The following NECTIN1 variants were observed in gnomAD, a reference collection of about 807,000 sequenced individuals.
NECTIN1 encodes nectin-1.
NECTIN1 carries 23 observed loss-of-function variants against 48.0 expected under a neutral mutation model. That is an observed-to-expected ratio of 0.48 (90% confidence interval 0.34 to 0.68). The LOEUF (loss-of-function observed/expected upper bound fraction) is 0.68, where lower values mean the gene tolerates loss of function less well. Ranked by LOEUF, NECTIN1 falls within the 30% of genes least tolerant of loss-of-function variation. The probability of loss-of-function intolerance (pLI) is 0.01; values close to 1 mark genes in which losing one functional copy is unlikely to be tolerated. For synonymous variants in NECTIN1, 270 were observed against 288.9 expected, an observed-to-expected ratio of 0.93 and a Z score of 0.66; for missense variants, 591 against 709.9, an observed-to-expected ratio of 0.83 and a Z score of 1.90.
At chr11:119,697,320 T>C (rs1342683378) in intron 1 of NECTIN1, among the ~76,000 whole-genome samples, 2 of 152,196 alleles carry the variant, frequency 1.3e-5, no homozygotes, top group Non-Finnish European at 2.9e-5. Context: ...TTGGCCCTGC[T>C]GTGTCTCTTC....
chr11:119,718,038 C>T (rs1302080276), intron 1 of NECTIN1, among the ~76,000 whole-genome samples: 5 of 152,214 alleles, frequency 3.3e-5, no homozygotes, highest in African/African-American at 7.2e-5. Context: ...TTCGCTTTGG[C>T]GTCGACACAG....
At position 119,678,779 on chromosome 11, in the gene NECTIN1, T is replaced by C. The variant is rs369080535; in HGVS notation, c.80-14A>G. On this transcript the variant is annotated splice_polypyrimidine_tract_variant and intron_variant, in intron 1 of 5. Transcript: ENST00000264025. The surrounding 1 kb of genome is among the most constrained non-coding windows in gnomAD (Gnocchi z 4.4). ...GGGAGTGGACGCCTGGCCAGGAGGA[T>C]GGCAGCAAGTGGTCAGTGTCAGGCA... The C allele has an allele frequency of 8.9e-6, 14 of 1,579,186 alleles. No individual in the cohort carries two copies. The African/African-American group carries it at 1.7e-4, about 20-fold the overall frequency.
intron 5 of NECTIN1, chr11:119,674,408 G>T: frequency 1.3e-6 from 2 of 1,516,944 alleles, no homozygotes; most frequent in Non-Finnish European, 1.8e-6. Context: ...CGGAACATTG[G>T]CCATTTATTG....
At chr11:119,659,671 G>A (rs1304066170), downstream of NECTIN1, among the ~76,000 whole-genome samples, 1 of 152,208 alleles carries the variant, frequency 6.6e-6, no homozygotes, top group Non-Finnish European at 1.5e-5. Flanking sequence ...AAAGGACTGA[G>A]TCTGGCTTCT....
At chr11:119,723,937 C>T (rs1184317515) in intron 1 of NECTIN1, among the ~76,000 whole-genome samples, 1 of 152,196 alleles carries the variant, frequency 6.6e-6, no homozygotes, top group Non-Finnish European at 1.5e-5. Flanking sequence ...GGCTTGGGCA[C>T]AGGGTGCTGG....
intron 1 of NECTIN1, among the ~76,000 whole-genome samples, chr11:119,693,213 G>A (rs1392972747): frequency 1.3e-5 from 2 of 152,160 alleles, no homozygotes; most frequent in Non-Finnish European, 2.9e-5. Flanking sequence ...GCCACTCTCG[G>A]GGTGTGTGTC....
intron 1 of NECTIN1, among the ~76,000 whole-genome samples, chr11:119,724,376 C>G (rs536186096): frequency 3.9e-5 from 6 of 152,250 alleles, no homozygotes; most frequent in Admixed American, 3.9e-4. Context: ...ATATCTCTCC[C>G]GGTGTGGTCA....
chr11:119,721,867 A>G (rs895229327), intron 1 of NECTIN1, among the ~76,000 whole-genome samples: 1 of 152,040 alleles, frequency 6.6e-6, no homozygotes, highest in Non-Finnish European at 1.5e-5. Context: ...TTCTACACCA[A>G]CCTGGGCTCT....
At position 119,728,928 on chromosome 11, in the gene NECTIN1, G is replaced by A; in HGVS notation, c.-375C>T. The A allele has an allele frequency of 5.5e-6, 1 of 181,314 alleles. No homozygotes were observed. The allele number at this position is 181,314 out of a possible 1,614,324, so 11.2% of individuals were successfully genotyped here. A position where few individuals can be genotyped will look rare whatever the true frequency, so the allele number is the denominator to read the frequency against. On this transcript the variant is annotated 5_prime_UTR_variant, in exon 1 of 6. Coordinates refer to ENST00000264025, the MANE Select transcript of NECTIN1 (RefSeq NM_002855.5). ...TGCGCGGCGCGGGCTCCTGGCCCCG[G>A]CCCGCTCACACCCTCCCGCTCGGCT...
rs749180431 is a variant in NECTIN1 at position 119,664,743 on chromosome 11, G to A, written c.*4C>T. 1.9e-6 allele frequency: 3 copies of A among 1,606,560 alleles called. No homozygotes were observed. Among genetic ancestry groups the A allele is most frequent in the East Asian group, 2.2e-5 (1 of 44,746 alleles). ...GGTCACAGACAGAGGCTCTGGAAGGGGGGCTACACGTACCACTCCTTCTTG... is the reference window on the plus strand; with the variant it reads ...GGTCACAGACAGAGGCTCTGGAAGGAGGGCTACACGTACCACTCCTTCTTG... On this transcript the variant is annotated 3_prime_UTR_variant, in exon 6 of 6. Coordinates refer to ENST00000264025, the MANE Select transcript of NECTIN1 (RefSeq NM_002855.5).
At chr11:119,685,705 C>A (rs1389523256) in intron 1 of NECTIN1, among the ~76,000 whole-genome samples, 5 of 152,324 alleles carry the variant, frequency 3.3e-5, no homozygotes, top group Non-Finnish European at 7.3e-5. Context: ...GAACACAGAG[C>A]CTCTCTCTTG....
At chr11:119,701,587 C>G (rs1565397458) in intron 1 of NECTIN1, among the ~76,000 whole-genome samples, 1 of 152,148 alleles carries the variant, frequency 6.6e-6, no homozygotes, top group East Asian at 1.9e-4. Context: ...GAGGCCAGGG[C>G]TGGGATTCCA....
chr11:119,710,533 T>A (rs1439977926), intron 1 of NECTIN1, among the ~76,000 whole-genome samples: 1 of 152,094 alleles, frequency 6.6e-6, no homozygotes, highest in Non-Finnish European at 1.5e-5. Flanking sequence ...CAAAGTGCCA[T>A]GATGATACAG....
rs529924994 is a variant in NECTIN1 at position 119,683,157 on chromosome 11, C to A, written c.80-4392G>T. On this transcript the variant is annotated intron_variant, in intron 1 of 5. Coordinates refer to ENST00000264025, the MANE Select transcript of NECTIN1 (RefSeq NM_002855.5). The surrounding 1 kb of genome is among the most constrained non-coding windows in gnomAD (Gnocchi z 4.0). ...GATTCCCTAAGCAGTCAGGGCTGGT[C>A]CACAGAACACATCCTGTCTCCTTTC... Among the ~76,000 whole-genome samples the A allele has an allele frequency of 2.0e-5, 3 of 152,296 alleles. No individual in the cohort carries two copies. The highest frequency in any genetic ancestry group is 7.2e-5 in the African/African-American group (3 of 41,560).
chr11:119,726,981 T>G (rs1046623882), intron 1 of NECTIN1, among the ~76,000 whole-genome samples: 1 of 151,978 alleles, frequency 6.6e-6, no homozygotes, highest in African/African-American at 2.4e-5. Context: ...GGGGGCAGGG[T>G]GGGCAGTGAC....
intron 6 of NECTIN1, chr11:119,638,820 G>A (rs1864277291): frequency 2.5e-6 from 4 of 1,610,978 alleles, no homozygotes; most frequent in Non-Finnish European, 3.4e-6. Context: ...GAGACAGAAT[G>A]AGGGTAAGCT....
intron 6 of NECTIN1, chr11:119,639,744 G>C (rs1864296544): frequency 2.3e-6 from 3 of 1,323,486 alleles, no homozygotes; most frequent in Non-Finnish European, 3.2e-6. Context: ...GTCCCCCAGG[G>C]TGGGGAGGCC....
Position 119,663,420 on chromosome 11 carries a change from C to T in NECTIN1, c.*1327G>A. On this transcript the variant is annotated 3_prime_UTR_variant, in exon 6 of 6. Transcript: ENST00000264025. Reference sequence around the variant, plus strand: ...TCTGCACTGAAAGGGAGGGCTTCTCCTAGGCCCTCCCCTCATCCCAGAATG... The same window carrying T: ...TCTGCACTGAAAGGGAGGGCTTCTCTTAGGCCCTCCCCTCATCCCAGAATG... 1 of 985,448 alleles carries T rather than the reference C, an allele frequency of 1.0e-6. No homozygotes were observed. The highest frequency in any genetic ancestry group is 1.2e-6 in the Non-Finnish European group (1 of 829,930). 61.0% of individuals were successfully genotyped at this position (985,448 alleles called of 1,614,324 possible).
chr11:119,663,228 G>A lies in NECTIN1; in HGVS notation c.*1519C>T. ...CTCTCCATCCCAGGGTCCTTCCCAT[G>A]GGCATGCCTGTCTAGAGTGCCAGGG... On this transcript the variant is annotated 3_prime_UTR_variant, in exon 6 of 6. Coordinates refer to ENST00000264025, the MANE Select transcript of NECTIN1 (RefSeq NM_002855.5). 1.0e-6 allele frequency: 1 copy of A among 985,512 alleles called. No individual in the cohort carries two copies. Among genetic ancestry groups the A allele is most frequent in the African/African-American group, 1.7e-5 (1 of 57,376 alleles). The allele number at this position is 985,512 out of a possible 1,614,324, so 61.0% of individuals were successfully genotyped here. A position where few individuals can be genotyped will look rare whatever the true frequency, so the allele number is the denominator to read the frequency against.
Sources: allele counts gnomAD v4.1 joint callset (sites outside exome capture counted in the v4.1 genomes callset), GRCh38; gene constraint gnomAD v4.1.1; non-coding constraint Gnocchi (gnomAD v3.1); transcripts MANE v1.5; gene names NCBI Gene and HGNC (gene_info 2026-07-23, HGNC 2026-07-21).